Variants in ADAMTS12 observed in about 807,000 individuals in gnomAD.
ADAMTS12 encodes ADAM metallopeptidase with thrombospondin type 1 motif 12.
In ADAMTS12, 118 loss-of-function variants were observed where a neutral mutation model predicts 167.8. The observed-to-expected ratio is 0.70, with a 90% CI of 0.61 to 0.82. The LOEUF is 0.82. ADAMTS12 is among the 40% of genes least tolerant of loss of function. The pLI, the probability that ADAMTS12 is intolerant of heterozygous loss-of-function variation, is 0.00. For missense variants in ADAMTS12, 1,916 were observed against 1,998.8 expected (o/e 0.96, Z 0.79); for synonymous variants, 704 against 716.9 (o/e 0.98, Z 0.29).
At chr5:33,743,655 T>G (rs1200352318) in intron 3 of ADAMTS12, among the ~76,000 whole-genome samples, 1 of 152,172 alleles carries the variant, frequency 6.6e-6, no homozygotes, top group Non-Finnish European at 1.5e-5. Context: ...GCTGAGTAAA[T>G]GAAATCACTT....
At chr5:33,865,233 T>C (rs561536134) in intron 2 of ADAMTS12, among the ~76,000 whole-genome samples, 30 of 152,020 alleles carry the variant, frequency 2.0e-4, no homozygotes, top group African/African-American at 6.8e-4. Flanking sequence ...CTCAACAAAA[T>C]ACTAGCAAAC....
rs749938074 is a variant in ADAMTS12, at chr5:33,546,154, G to C, written c.4351C>G (p.Pro1451Ala). The C allele has an allele frequency of 3.1e-6, 5 of 1,613,834 alleles. No individual in the cohort carries two copies. In the African/African-American group the frequency reaches 6.7e-5, roughly 22 times the overall value. Reference protein sequence around the residue: ...GGVQERGVFCPGGLCDWTKRP... With the variant: ...GGVQERGVFCAGGLCDWTKRP... The stretch of plus-strand genomic sequence containing the variant: ...TTTGTCCAATCACAGAGGCCTCCTG[G>C]ACAGAACACTCCTCTCTCCTGAACT... Residue 1451 changes from proline to alanine, a missense_variant, in exon 22 of 24, where the codon CCA becomes GCA. Pro to Ala is a conservative substitution (Grantham distance 27, BLOSUM62 -1). Coordinates refer to ENST00000504830, the MANE Select transcript of ADAMTS12 (RefSeq NM_030955.4).
chr5:33,841,673 G>A (rs932437372), intron 2 of ADAMTS12, among the ~76,000 whole-genome samples: 3 of 152,128 alleles, frequency 2.0e-5, no homozygotes, highest in Non-Finnish European at 4.4e-5. Flanking sequence ...GCATAAATGG[G>A]TTAATTTCCT....
At chr5:33,891,557 G>T in intron 1 of ADAMTS12, 173 bp downstream of exon 1, 1 of 895,500 alleles carries the variant, frequency 1.1e-6, no homozygotes, top group Non-Finnish European at 1.7e-6. Context: ...CTTAAGCACT[G>T]AATTCTGAGA....
In ADAMTS12 at chr5:33,789,231, C is replaced by T. The variant is rs149113130; in HGVS notation, c.490-37683G>A. ...CCTGACGGCTGCTGTGTCCCAGGCC[C>T]AAGGCCTCAAAGACCCAGAGAACCA... is the stretch of plus-strand genomic sequence containing the variant. On this transcript the variant is annotated intron_variant, in intron 2 of 23. Transcript: ENST00000504830. Among the ~76,000 whole-genome samples the T allele has an allele frequency of 3.1e-3, 479 of 152,324 alleles. 12 individuals carry two copies. Among genetic ancestry groups the T allele is most frequent in the Admixed American group, 0.027 (417 of 15,310 alleles).
At chr5:33,608,394 A>T (rs1320641375) in intron 16 of ADAMTS12, among the ~76,000 whole-genome samples, 1 of 152,230 alleles carries the variant, frequency 6.6e-6, no homozygotes, top group African/African-American at 2.4e-5. Flanking sequence ...CAAGCTAATA[A>T]GATTTTAATG....
chr5:33,755,943 C>T (rs1369297959), intron 2 of ADAMTS12, among the ~76,000 whole-genome samples: 1 of 152,164 alleles, frequency 6.6e-6, no homozygotes, highest in Non-Finnish European at 1.5e-5. Flanking sequence ...CTGGAAAAGA[C>T]ATCACCTGTT....
chr5:33,731,114 A>T (rs141275132), intron 3 of ADAMTS12, among the ~76,000 whole-genome samples: 75 of 152,296 alleles, frequency 4.9e-4, no homozygotes, highest in African/African-American at 1.7e-3. Flanking sequence ...TATAATAAAT[A>T]ATTTATTTCT....
intron 22 of ADAMTS12, among the ~76,000 whole-genome samples, chr5:33,542,415 G>C (rs572102727): frequency 2.6e-4 from 39 of 152,200 alleles, no homozygotes; most frequent in African/African-American, 9.1e-4. Context: ...ATAATAATGG[G>C]AGACTTTAAC....
intron 2 of ADAMTS12, among the ~76,000 whole-genome samples, chr5:33,860,095 T>C (rs1192733766): frequency 6.6e-6 from 1 of 151,510 alleles, no homozygotes. Flanking sequence ...AAAACCAGAA[T>C]GCCTCTTCTC....
chr5:33,617,697 C>T (rs1166508887), intron 14 of ADAMTS12, among the ~76,000 whole-genome samples: 1 of 152,024 alleles, frequency 6.6e-6, no homozygotes, highest in East Asian at 1.9e-4. Flanking sequence ...ATGTTGCATG[C>T]CTTTTCATAT....
intron 3 of ADAMTS12, among the ~76,000 whole-genome samples, chr5:33,685,176 A>G (rs531495727): frequency 3.4e-4 from 52 of 152,320 alleles, no homozygotes; most frequent in African/African-American, 1.3e-3. Flanking sequence ...AGAACATCGA[A>G]GCAGAGTGGC....
chr5:33,699,417 C>G (rs540655699), intron 3 of ADAMTS12, among the ~76,000 whole-genome samples: 1 of 150,742 alleles, frequency 6.6e-6, no homozygotes, highest in East Asian at 2.0e-4. Flanking sequence ...AAAATTAACT[C>G]AAAATGGATT....
intron 23 of ADAMTS12, among the ~76,000 whole-genome samples, chr5:33,530,059 A>T (rs185837636): frequency 4.0e-5 from 6 of 151,064 alleles, no homozygotes; most frequent in African/African-American, 1.2e-4. Context: ...AGTTGGGCCT[A>T]CAGGCATGTG....
chr5:33,708,052 C>A (rs1489935370), intron 3 of ADAMTS12, among the ~76,000 whole-genome samples: 1 of 152,096 alleles, frequency 6.6e-6, no homozygotes, highest in African/African-American at 2.4e-5. Flanking sequence ...ATCCATCTGA[C>A]AAAGGGCTAA....
intron 7 of ADAMTS12, among the ~76,000 whole-genome samples, chr5:33,653,980 T>G (rs1489202448): frequency 2.0e-5 from 3 of 152,170 alleles, no homozygotes; most frequent in Non-Finnish European, 2.9e-5. Flanking sequence ...TCTCTGAAGC[T>G]CTGTTCAATT....
chr5:33,599,695 C>T (rs1384014420), intron 16 of ADAMTS12, among the ~76,000 whole-genome samples: 1 of 152,128 alleles, frequency 6.6e-6, no homozygotes, highest in African/African-American at 2.4e-5. Flanking sequence ...TCCAGCTGTT[C>T]CCTGCTGGGT....
intron 22 of ADAMTS12, among the ~76,000 whole-genome samples, chr5:33,541,887 C>G (rs1744714028): frequency 6.6e-6 from 1 of 152,000 alleles, no homozygotes. Flanking sequence ...CAAAAACATG[C>G]CAAATTGTAA....
rs1448979508 is a variant in ADAMTS12, at chr5:33,658,348, T to C, written c.1041-15A>G. The C allele has an allele frequency of 1.9e-6, 3 of 1,611,938 alleles. No individual in the cohort carries two copies. The highest frequency in any genetic ancestry group is 1.7e-6 in the Non-Finnish European group (2 of 1,178,718). Reference sequence around the variant, plus strand: ...AGATGTCCTTTCTGAAAGCAGAGAATACAGAAGCTAAGGCGCCCAAAGGAA... The same window carrying C: ...AGATGTCCTTTCTGAAAGCAGAGAACACAGAAGCTAAGGCGCCCAAAGGAA... On this transcript the variant is annotated splice_polypyrimidine_tract_variant and intron_variant, in intron 6 of 23. Coordinates refer to ENST00000504830, the MANE Select transcript of ADAMTS12 (RefSeq NM_030955.4).
Sources: allele counts gnomAD v4.1 joint callset (sites outside exome capture counted in the v4.1 genomes callset), GRCh38; gene constraint gnomAD v4.1.1; transcripts MANE v1.5; gene names NCBI Gene and HGNC (gene_info 2026-07-23, HGNC 2026-07-21).